Variants in REXO2 observed in about 807,000 individuals in gnomAD.
The protein encoded by REXO2 is RNA exonuclease 2, also known as oligoribonuclease, mitochondrial.
A neutral mutation model predicts 30.9 loss-of-function variants in REXO2; 17 were observed. The observed-to-expected ratio is 0.55, with a 90% confidence interval of 0.38 to 0.82. The LOEUF (loss-of-function observed/expected upper bound fraction) is 0.82, where lower values mean the gene tolerates loss of function less well. Among genes scored for constraint, REXO2 ranks in the 40% least tolerant of loss-of-function variants. The pLI, the probability that REXO2 is intolerant of heterozygous loss-of-function variation, is 0.00. For synonymous variants in REXO2, 105 were observed against 99.6 expected (o/e 1.05, Z -0.32); for missense variants, 253 against 293.2 (o/e 0.86, Z 1.00).
At position 114,444,664 on chromosome 11, in the gene REXO2, T is replaced by C. The variant is rs1946501636; in HGVS notation, c.421+12T>C. 1.3e-6 allele frequency: 2 copies of C among 1,526,084 alleles called. No homozygotes were observed. The highest frequency in any genetic ancestry group is 1.8e-6 in the Non-Finnish European group (2 of 1,124,522). 94.5% of individuals were successfully genotyped at this position (1,526,084 alleles called of 1,614,324 possible). A position where few individuals can be genotyped will look rare whatever the true frequency, so the allele number is the denominator to read the frequency against. On this transcript the variant is annotated intron_variant, in intron 4 of 6. Transcript: ENST00000265881. ...CTGTCCACTTGCAGGTAAAATCCAA[T>C]CCTGTGTATATCTTATAGTCTTCCA...
In REXO2 at chr11:114,445,983, T is replaced by C; in HGVS notation, c.426T>C (p.Asn142=). The C allele has an allele frequency of 6.4e-7, 1 of 1,565,362 alleles. No individual in the cohort carries two copies. Among genetic ancestry groups the C allele is most frequent in the Non-Finnish European group, 8.8e-7 (1 of 1,136,082 alleles). The change falls in exon 5 of 7, where the codon AAT becomes AAC. Residue 142 remains asparagine (N), a synonymous_variant. Transcript: ENST00000265881. ...GTATGCTTCGTGTCTTTCTAGGAAATTCAGTTCATGAAGATAAGAAGTTTC... is the reference window on the plus strand; with the variant it reads ...GTATGCTTCGTGTCTTTCTAGGAAACTCAGTTCATGAAGATAAGAAGTTTC... The part of the protein sequence containing the change: ...TPPGLCPLAG[N]SVHEDKKFLD...
intron 2 of REXO2, 119 bp downstream of exon 2, chr11:114,440,858 A>G: frequency 2.7e-6 from 2 of 729,616 alleles, no homozygotes; most frequent in South Asian, 1.8e-5. Context: ...GGGTTAAGGT[A>G]ATGTGCTAGG....
chr11:114,439,524 G>T lies in REXO2; in HGVS notation c.-5G>T. ...GACTGGGGCCGTGGCTGCTGGTCCC[G>T]GGTGATGCTAGGCGGCTCCCTGGGC... On this transcript the variant is annotated 5_prime_UTR_variant, in exon 1 of 7. Transcript: ENST00000265881. 6.2e-7 allele frequency: 1 copy of T among 1,605,364 alleles called. No individual in the cohort carries two copies. Among genetic ancestry groups the T allele is most frequent in the Non-Finnish European group, 8.5e-7 (1 of 1,179,260 alleles).
chr11:114,449,068 T>G (rs1315674554), intron 6 of REXO2: 3 of 152,208 alleles, frequency 2.0e-5, no homozygotes, highest in African/African-American at 7.2e-5. Flanking sequence ...TCAGAGTTTA[T>G]TGATTTACTT....
chr11:114,447,045 TC>T (rs1946514140), intron 5 of REXO2, among the ~76,000 whole-genome samples: 1 of 150,992 alleles, frequency 6.6e-6, no homozygotes, highest in South Asian at 2.1e-4. Context: ...TTCACGCCAT[TC>T]TCCTGCCTCA....
chr11:114,440,078 ACT>A (rs1268864552), intron 1 of REXO2: 1 of 474,638 alleles, frequency 2.1e-6, no homozygotes, highest in South Asian at 1.6e-5. Flanking sequence ...TCCGGAGATG[ACT>A]CAGCCTTACC....
chr11:114,444,032 A>G (rs545699052), intron 3 of REXO2, 99 bp downstream of exon 3: 50 of 865,854 alleles, frequency 5.8e-5, no homozygotes, highest in Non-Finnish European at 9.3e-5. Flanking sequence ...GGTATTTTAA[A>G]AAGGCTTAGA....
chr11:114,441,516 G>T (rs1340036931), intron 2 of REXO2, among the ~76,000 whole-genome samples: 1 of 152,186 alleles, frequency 6.6e-6, no homozygotes, highest in African/African-American at 2.4e-5. Flanking sequence ...ATTTAATAAG[G>T]ATGTGACACC....
intron 2 of REXO2, among the ~76,000 whole-genome samples, chr11:114,442,650 G>A (rs958156832): frequency 5.9e-5 from 9 of 152,272 alleles, no homozygotes; most frequent in African/African-American, 2.2e-4. Context: ...AGTTCAAAGA[G>A]CTCATATCTA....
At chr11:114,447,684 A>G in intron 5 of REXO2, 142 bp from the exon 6 acceptor site, 1 of 605,052 alleles carries the variant, frequency 1.7e-6, no homozygotes, top group Admixed American at 3.2e-5. Flanking sequence ...GAGAGGGTAG[A>G]AGATAGAGGC....
intron 6 of REXO2, among the ~76,000 whole-genome samples, chr11:114,449,594 C>T (rs544668358): frequency 1.7e-4 from 26 of 152,062 alleles, no homozygotes; most frequent in African/African-American, 4.8e-4. Context: ...TGGAACATGT[C>T]GCCATCTTTT....
chr11:114,443,738 C>T (rs1946494850), intron 2 of REXO2, 118 bp from the exon 3 acceptor site: 1 of 694,488 alleles, frequency 1.4e-6, no homozygotes, highest in South Asian at 1.8e-5. Context: ...TTAAAGTATC[C>T]TTATCTCTTA....
rs566424569 is a variant in REXO2, at chr11:114,447,698, G to C, written c.531-128G>C. 10 of 683,216 alleles carry C rather than the reference G, an allele frequency of 1.5e-5. No individual in the cohort carries two copies. The East Asian group carries it at 2.5e-4, about 17-fold the overall frequency. 42.3% of individuals were successfully genotyped at this position (683,216 alleles called of 1,614,324 possible). ...GGAGAGGGTAGAAGATAGAGGCCCC[G>C]GCAAAGAAGCAACTTGAGAATCATG... is the stretch of plus-strand genomic sequence containing the variant. On this transcript the variant is annotated intron_variant, in intron 5 of 6. Coordinates refer to ENST00000265881, the MANE Select transcript of REXO2 (RefSeq NM_015523.4).
chr11:114,443,352 A>G (rs1946492462), intron 2 of REXO2, among the ~76,000 whole-genome samples: 1 of 151,574 alleles, frequency 6.6e-6, no homozygotes, highest in African/African-American at 2.4e-5. Flanking sequence ...TACTGGCCTC[A>G]AGTGATCCTC....
chr11:114,448,749 T>C (rs1946526660), intron 6 of REXO2, among the ~76,000 whole-genome samples: 1 of 152,244 alleles, frequency 6.6e-6, no homozygotes, highest in African/African-American at 2.4e-5. Context: ...ACGTGTATAT[T>C]CACACCAAAT....
chr11:114,440,221 C>T, intron 1 of REXO2: 1 of 443,822 alleles, frequency 2.3e-6, no homozygotes, highest in Non-Finnish European at 4.5e-6. Flanking sequence ...ATGCCCGAAA[C>T]AAGGGCTCCT....
At chr11:114,442,574 G>A (rs1368294135) in intron 2 of REXO2, among the ~76,000 whole-genome samples, 2 of 152,118 alleles carry the variant, frequency 1.3e-5, no homozygotes, top group Non-Finnish European at 2.9e-5. Context: ...TTCAGTGATT[G>A]TGAACTGTTT....
intron 1 of REXO2, 156 bp downstream of exon 1, chr11:114,439,831 C>T (rs1348749965): frequency 2.3e-6 from 2 of 862,778 alleles, no homozygotes; most frequent in Non-Finnish European, 3.4e-6. Flanking sequence ...AGTCCGGAGG[C>T]AGGAGTCCTG....
intron 6 of REXO2, chr11:114,449,287 T>C (rs558953731): frequency 3.3e-5 from 5 of 152,498 alleles, no homozygotes; most frequent in South Asian, 2.1e-4. Flanking sequence ...TCATGACTTA[T>C]GTTCAAGTGT....
Sources: allele counts gnomAD v4.1 joint callset (sites outside exome capture counted in the v4.1 genomes callset), GRCh38; gene constraint gnomAD v4.1.1; transcripts MANE v1.5; gene names NCBI Gene and HGNC (gene_info 2026-07-23, HGNC 2026-07-21).